MIPOL1: variants seen among roughly 807,000 people sequenced by gnomAD.
The protein encoded by MIPOL1 is mirror-image polydactyly 1, also known as mirror-image polydactyly gene 1 protein.
Under a neutral mutation model 60.9 loss-of-function variants are expected in MIPOL1, and 57 were observed. The observed-to-expected ratio is 0.94, with a 90% CI of 0.76 to 1.17. The LOEUF (loss-of-function observed/expected upper bound fraction) is 1.17. Ranked by LOEUF, MIPOL1 falls within the 50% of genes most tolerant of loss-of-function variation. The probability of loss-of-function intolerance (pLI) is 0.00; values close to 1 mark genes in which losing one functional copy is unlikely to be tolerated. For missense variants in MIPOL1, 551 were observed against 511.6 expected, an observed-to-expected ratio of 1.08 and a Z score of -0.74; for synonymous variants, 179 against 168.8, an observed-to-expected ratio of 1.06 and a Z score of -0.47.
intron 10 of MIPOL1, among the ~76,000 whole-genome samples, chr14:37,408,734 G>A (rs1255635155): frequency 1.3e-5 from 2 of 152,184 alleles, no homozygotes; most frequent in African/African-American, 4.8e-5. Context: ...TTTGATGGTT[G>A]TGATATGTGT....
intron 3 of MIPOL1, among the ~76,000 whole-genome samples, chr14:37,264,244 G>A (rs2082707173): frequency 6.6e-6 from 1 of 152,026 alleles, no homozygotes; most frequent in Non-Finnish European, 1.5e-5. Context: ...TAGGCAAAAT[G>A]CAAGATGATA....
At chr14:37,227,855 G>A (rs541876367) in intron 1 of MIPOL1, 5 of 152,190 alleles carry the variant, frequency 3.3e-5, no homozygotes, top group South Asian at 2.1e-4. Flanking sequence ...CCTGAAATTC[G>A]CTTGTATCAC....
At chr14:37,515,988 G>A (rs570264019) in intron 12 of MIPOL1, among the ~76,000 whole-genome samples, 2 of 152,274 alleles carry the variant, frequency 1.3e-5, no homozygotes, top group South Asian at 4.1e-4. Context: ...AGAGAGTCCG[G>A]CTTCATTGAT....
At chr14:37,329,748 C>G (rs1000207707) in intron 9 of MIPOL1, among the ~76,000 whole-genome samples, 1 of 152,130 alleles carries the variant, frequency 6.6e-6, no homozygotes, top group Admixed American at 6.5e-5. Context: ...AACACTAATA[C>G]TCTTTCCTGA....
chr14:37,452,177 G>A (rs1307019289), intron 11 of MIPOL1, among the ~76,000 whole-genome samples: 8 of 152,060 alleles, frequency 5.3e-5, no homozygotes, highest in Admixed American at 5.2e-4. Flanking sequence ...AAGAGATATG[G>A]CTACTAAAAA....
At chr14:37,282,439 T>C (rs1157945629) in intron 6 of MIPOL1, among the ~76,000 whole-genome samples, 3 of 151,924 alleles carry the variant, frequency 2.0e-5, no homozygotes, top group South Asian at 2.1e-4. Flanking sequence ...TAATATACAG[T>C]TAATCAAGAT....
intron 12 of MIPOL1, among the ~76,000 whole-genome samples, chr14:37,501,253 T>A (rs1328992697): frequency 6.6e-6 from 1 of 152,220 alleles, no homozygotes; most frequent in East Asian, 1.9e-4. Flanking sequence ...ATGCAGTTAT[T>A]CACAATGTAC....
At chr14:37,399,363 G>A (rs1402650975) in intron 10 of MIPOL1, among the ~76,000 whole-genome samples, 1 of 152,092 alleles carries the variant, frequency 6.6e-6, no homozygotes, top group African/African-American at 2.4e-5. Flanking sequence ...TCCTTCTCCA[G>A]TATGTCCAAT....
In MIPOL1 at chr14:37,423,041, C is replaced by T. The variant is rs139478438; in HGVS notation, c.1031+92C>T. 5.0e-5 allele frequency: 37 copies of T among 745,120 alleles called. No individual in the cohort carries two copies. The Middle Eastern group carries it at 7.2e-4, about 14-fold the overall frequency. 46.2% of individuals were successfully genotyped at this position (745,120 alleles called of 1,614,324 possible). A position where few individuals can be genotyped will look rare whatever the true frequency, so the allele number is the denominator to read the frequency against. On this transcript the variant is annotated intron_variant, in intron 11 of 12. Coordinates refer to ENST00000684589, the MANE Select transcript of MIPOL1 (RefSeq NM_001388067.1). ...TACAATAGTGAATGAGGAAATACCT[C>T]AATGAAATTAAATATTATGCACTTA...
At chr14:37,206,992 T>G (rs1342347523) in intron 1 of MIPOL1, among the ~76,000 whole-genome samples, 1 of 152,194 alleles carries the variant, frequency 6.6e-6, no homozygotes, top group Non-Finnish European at 1.5e-5. Context: ...CTGTGGACTT[T>G]TGAGTTAATG....
intron 9 of MIPOL1, among the ~76,000 whole-genome samples, chr14:37,350,766 C>T (rs1287761607): frequency 6.6e-6 from 1 of 152,136 alleles, no homozygotes; most frequent in Non-Finnish European, 1.5e-5. Flanking sequence ...TCCTTCTAAT[C>T]CCTGTGTCCA....
At chr14:37,346,772 C>A (rs2090975667) in intron 9 of MIPOL1, among the ~76,000 whole-genome samples, 1 of 151,966 alleles carries the variant, frequency 6.6e-6, no homozygotes. Flanking sequence ...GAGTGGAGAA[C>A]CTTGAATATA....
chr14:37,225,439 C>T (rs1283240065), intron 1 of MIPOL1, among the ~76,000 whole-genome samples: 1 of 152,200 alleles, frequency 6.6e-6, no homozygotes. Flanking sequence ...CAATACTTGA[C>T]TTCTATGCAC....
At chr14:37,274,296 A>G (rs1594849447) in intron 6 of MIPOL1, among the ~76,000 whole-genome samples, 1 of 151,470 alleles carries the variant, frequency 6.6e-6, no homozygotes, top group African/African-American at 2.4e-5. Flanking sequence ...CAAATCTGTT[A>G]TTCTAATGTG....
At chr14:37,356,633 G>T (rs1778296301) in intron 9 of MIPOL1, among the ~76,000 whole-genome samples, 1 of 152,214 alleles carries the variant, frequency 6.6e-6, no homozygotes, top group Non-Finnish European at 1.5e-5. Flanking sequence ...AAGCCTGTCA[G>T]AAAAGCGCAG....
intron 7 of MIPOL1, among the ~76,000 whole-genome samples, chr14:37,296,133 A>G (rs2085649638): frequency 6.6e-6 from 1 of 152,232 alleles, no homozygotes; most frequent in Non-Finnish European, 1.5e-5. Flanking sequence ...TCAAACTAGA[A>G]CTCAGGATTA....
intron 7 of MIPOL1, among the ~76,000 whole-genome samples, chr14:37,295,046 G>A (rs1182972234): frequency 1.3e-5 from 2 of 152,152 alleles, no homozygotes; most frequent in East Asian, 3.9e-4. Context: ...GTTCAGGGCA[G>A]CCAGAGAGAA....
At chr14:37,294,793 A>G (rs952912118) in intron 7 of MIPOL1, among the ~76,000 whole-genome samples, 2 of 152,190 alleles carry the variant, frequency 1.3e-5, no homozygotes, top group African/African-American at 4.8e-5. Flanking sequence ...TCCGAGAAAT[A>G]TGGGACTATG....
chr14:37,306,498 A>T (rs2086796231), intron 7 of MIPOL1, among the ~76,000 whole-genome samples: 1 of 151,886 alleles, frequency 6.6e-6, no homozygotes, highest in African/African-American at 2.4e-5. Context: ...GTTTATAAGC[A>T]TTTTAATTGG....
Sources: gnomAD v4.1 joint callset for allele counts (sites outside exome capture counted in the v4.1 genomes callset) on GRCh38, gnomAD v4.1.1 for gene constraint, MANE v1.5 for transcripts, NCBI Gene and HGNC (gene_info 2026-07-23, HGNC 2026-07-21) for gene names.